NAALADL2: variants seen among roughly 807,000 people sequenced by gnomAD.
NAALADL2 encodes inactive N-acetylated-alpha-linked acidic dipeptidase-like protein 2.
A neutral mutation model predicts 87.2 loss-of-function variants in NAALADL2; 76 were observed. The observed-to-expected ratio is 0.87, with a 90% CI of 0.72 to 1.05. The LOEUF is 1.05. NAALADL2 is among the 50% of genes least tolerant of loss of function. The pLI, the probability that NAALADL2 is intolerant of heterozygous loss-of-function variation, is 0.00. For synonymous variants in NAALADL2, 354 were observed against 331.0 expected (o/e 1.07, Z -0.75); for missense variants, 1,089 against 945.8 (o/e 1.15, Z -1.99).
intron 5 of NAALADL2, among the ~76,000 whole-genome samples, chr3:175,425,774 A>G (rs773887185): frequency 6.6e-6 from 1 of 152,194 alleles, no homozygotes; most frequent in Non-Finnish European, 1.5e-5. Context: ...AACAAAAGAA[A>G]GACCTAGGAT....
chr3:174,540,564 A>G (rs1722132454), intron 1 of NAALADL2, among the ~76,000 whole-genome samples: 1 of 152,204 alleles, frequency 6.6e-6, no homozygotes, highest in African/African-American at 2.4e-5. Context: ...AGTCAACTAT[A>G]CTACTAGCCG....
At chr3:175,722,673 G>A (rs1224552629) in intron 11 of NAALADL2, among the ~76,000 whole-genome samples, 10 of 152,014 alleles carry the variant, frequency 6.6e-5, no homozygotes, top group Admixed American at 6.6e-4. Context: ...ACTCTTCATA[G>A]CCTGGCCTCA....
chr3:175,020,660 A>G (rs1399364310), intron 1 of NAALADL2, among the ~76,000 whole-genome samples: 1 of 152,048 alleles, frequency 6.6e-6, no homozygotes, highest in Non-Finnish European at 1.5e-5. Context: ...TTTTTCAACA[A>G]CAATATAGAC....
chr3:174,756,953 AAAAAC>A (rs57152716), intron 3 of NAALADL2, among the ~76,000 whole-genome samples: 49,066 of 149,788 alleles, frequency 0.33, 9,467 homozygotes, highest in African/African-American at 0.48. Flanking sequence ...TATAGACAAA[AAAAAC>A]AAAACAAAAC....
intron 2 of NAALADL2, among the ~76,000 whole-genome samples, chr3:174,585,196 G>A (rs1188744288): frequency 6.6e-6 from 1 of 152,034 alleles, no homozygotes; most frequent in Non-Finnish European, 1.5e-5. Flanking sequence ...CTCAGCGTAG[G>A]ATATGCATCA....
At chr3:175,523,105 A>G (rs546109797) in intron 9 of NAALADL2, among the ~76,000 whole-genome samples, 1 of 152,316 alleles carries the variant, frequency 6.6e-6, no homozygotes, top group South Asian at 2.1e-4. Context: ...TCTTAATGGA[A>G]TCAGCGGTTC....
chr3:175,545,772 C>T (rs1455936872), intron 9 of NAALADL2, among the ~76,000 whole-genome samples: 1 of 152,128 alleles, frequency 6.6e-6, no homozygotes, highest in Non-Finnish European at 1.5e-5. Context: ...ATATTCTCAA[C>T]ACATCAAAAT....
intron 9 of NAALADL2, among the ~76,000 whole-genome samples, chr3:175,492,548 G>A (rs775317220): frequency 6.6e-6 from 1 of 152,126 alleles, no homozygotes; most frequent in Non-Finnish European, 1.5e-5. Context: ...AACAACTAGT[G>A]CCTTTGGCAG....
rs141088645 is a variant in NAALADL2 at position 175,604,976 on chromosome 3, C to T, written c.1801-22315C>T. ...AACTCTGGATAATCCATGGCTTAGA[C>T]GGTATCACAGGTTCTGCTTATTCAT... On this transcript the variant is annotated intron_variant, in intron 10 of 13. Coordinates refer to ENST00000454872, the MANE Select transcript of NAALADL2 (RefSeq NM_207015.3). Among the ~76,000 whole-genome samples the T allele has an allele frequency of 1.3e-4, 20 of 152,286 alleles. No homozygotes were observed. The East Asian group carries it at 2.3e-3, about 18-fold the overall frequency.
intron 2 of NAALADL2, among the ~76,000 whole-genome samples, chr3:174,683,866 A>G (rs1160423628): frequency 6.6e-6 from 1 of 152,082 alleles, no homozygotes; most frequent in African/African-American, 2.4e-5. Context: ...ATTTTTTCAG[A>G]GCTACAGAGT....
At chr3:174,726,974 CATTT>C (rs1381159205) in intron 2 of NAALADL2, among the ~76,000 whole-genome samples, 2 of 151,964 alleles carry the variant, frequency 1.3e-5, no homozygotes, top group Non-Finnish European at 2.9e-5. Flanking sequence ...ATATGTGGTT[CATTT>C]ATTTATTAAC....
At chr3:175,780,129 AGCCGGGCGT>A (rs1228992119) in intron 13 of NAALADL2, among the ~76,000 whole-genome samples, 1 of 150,512 alleles carries the variant, frequency 6.6e-6, no homozygotes, top group Non-Finnish European at 1.5e-5. Flanking sequence ...AAAAAAAATT[AGCCGGGCGT>A]GGTGGTGGGC....
intron 2 of NAALADL2, among the ~76,000 whole-genome samples, chr3:174,595,279 C>T (rs541358765): frequency 2.6e-5 from 4 of 151,956 alleles, no homozygotes; most frequent in South Asian, 2.1e-4. Context: ...CCTCTCTGTC[C>T]CCTCTATTTC....
At chr3:174,598,430 T>C (rs1374750019) in intron 2 of NAALADL2, among the ~76,000 whole-genome samples, 1 of 152,172 alleles carries the variant, frequency 6.6e-6, no homozygotes, top group East Asian at 1.9e-4. Flanking sequence ...TGCTAAATGA[T>C]ATACACAGAA....
intron 10 of NAALADL2, among the ~76,000 whole-genome samples, chr3:175,593,883 A>G (rs1401129242): frequency 2.0e-5 from 3 of 152,272 alleles, no homozygotes; most frequent in East Asian, 1.9e-4. Context: ...GGGAAAACCA[A>G]TTCAACCTGT....
intron 1 of NAALADL2, among the ~76,000 whole-genome samples, chr3:175,067,237 G>A (rs1357771911): frequency 6.6e-6 from 1 of 152,070 alleles, no homozygotes; most frequent in African/African-American, 2.4e-5. Context: ...AACAAAAATT[G>A]ACTAGTGGAA....
chr3:174,720,543 G>A (rs533150752), intron 2 of NAALADL2, among the ~76,000 whole-genome samples: 4 of 152,156 alleles, frequency 2.6e-5, no homozygotes, highest in Non-Finnish European at 2.9e-5. Flanking sequence ...ATATAATGCT[G>A]TGTATTGTAA....
At chr3:175,174,622 G>T (rs1311253344) in intron 2 of NAALADL2, among the ~76,000 whole-genome samples, 1 of 151,880 alleles carries the variant, frequency 6.6e-6, no homozygotes, top group Admixed American at 6.6e-5. Context: ...GATAATTATT[G>T]GACATACACA....
At chr3:175,596,817 A>G (rs891249892) in intron 10 of NAALADL2, among the ~76,000 whole-genome samples, 1 of 151,944 alleles carries the variant, frequency 6.6e-6, no homozygotes, top group Non-Finnish European at 1.5e-5. Context: ...ATTTATTTTT[A>G]CCGCCTAAGT....
Sources: allele counts gnomAD v4.1 joint callset (sites outside exome capture counted in the v4.1 genomes callset), GRCh38; gene constraint gnomAD v4.1.1; transcripts MANE v1.5; gene names NCBI Gene and HGNC (gene_info 2026-07-23, HGNC 2026-07-21).